The following TICRR variants were observed in gnomAD, a reference collection of about 807,000 sequenced individuals.
The protein encoded by TICRR is TOPBP1 interacting checkpoint and replication regulator.
In TICRR, 132 loss-of-function variants were observed where a neutral mutation model predicts 178.1. The ratio of observed to expected loss-of-function variants is 0.74; its 90% CI spans 0.64 to 0.86. TICRR has a LOEUF of 0.86. TICRR is among the 40% of genes least tolerant of loss of function. The probability of loss-of-function intolerance (pLI) is 0.00; values close to 1 mark genes in which losing one functional copy is unlikely to be tolerated. For synonymous variants in TICRR, 991 were observed against 900.7 expected (o/e 1.10, Z -1.79); for missense variants, 2,587 against 2,334.3 (o/e 1.11, Z -2.23).
intron 1 of TICRR, among the ~76,000 whole-genome samples, chr15:89,581,837 AG>A (rs1386672848): frequency 6.6e-6 from 1 of 152,180 alleles, no homozygotes; most frequent in Non-Finnish European, 1.5e-5. Context: ...GAACGATTAG[AG>A]GCAGAGCACA....
intron 2 of TICRR, among the ~76,000 whole-genome samples, chr15:89,583,233 A>G (rs566848132): frequency 1.3e-5 from 2 of 152,358 alleles, no homozygotes; most frequent in South Asian, 4.1e-4. Flanking sequence ...AAGAAGGGTA[A>G]TATTATTCAG....
At chr15:89,582,991 T>G (rs1446322964) in intron 2 of TICRR, 26 bp downstream of exon 2, 1 of 1,560,782 alleles carries the variant, frequency 6.4e-7, no homozygotes, top group Non-Finnish European at 8.6e-7. Flanking sequence ...TTTAAGGTTT[T>G]TTTTTTTTTA....
rs1207195350 is a variant in TICRR, at chr15:89,627,216, G to T, written c.*130G>T. ...TCAGATTGCCATTAGAATGCCTTAG[G>T]GTTTTCTAATTCCCCTTATGGATCC... On this transcript the variant is annotated 3_prime_UTR_variant, in exon 22 of 22. Coordinates refer to ENST00000268138, the MANE Select transcript of TICRR (RefSeq NM_152259.4). 2 of 1,152,520 alleles carry T rather than the reference G, an allele frequency of 1.7e-6. No individual in the cohort carries two copies. Among genetic ancestry groups the T allele is most frequent in the Non-Finnish European group, 2.4e-6 (2 of 817,018 alleles). 71.4% of individuals were successfully genotyped at this position (1,152,520 alleles called of 1,614,324 possible).
chr15:89,623,843 G>C lies in TICRR; in HGVS notation c.3533G>C (p.Arg1178Pro), dbSNP rs777600069. 1.2e-6 allele frequency: 2 copies of C among 1,613,778 alleles called. No individual in the cohort carries two copies. Among genetic ancestry groups the C allele is most frequent in the Admixed American group, 1.7e-5 (1 of 59,992 alleles). The change falls in exon 20 of 22, where the codon CGA becomes CCA. Residue 1178 changes from arginine (R) to proline (P), a missense_variant. By Grantham distance (103) the Arg-to-Pro change is moderately radical (BLOSUM62 -2). Transcript: ENST00000268138. The part of the protein sequence containing the change: ...PLDSKITPQK[R>P]HTQAGEGTSL... ...GATTCAAAAATCACTCCTCAAAAAC[G>C]ACATACCCAGGCAGGAGAAGGTACC...
Position 89,624,166 on chromosome 15 carries a change from G to T in TICRR, c.3856G>T (p.Asp1286Tyr). ...RAEEPAQKLK[D>Y]KAIKTPKRPG... ...AGAGGAACCAGCCCAGAAACTAAAGGATAAAGCTATCAAAACTCCAAAAAG... is the reference window on the plus strand; with the variant it reads ...AGAGGAACCAGCCCAGAAACTAAAGTATAAAGCTATCAAAACTCCAAAAAG... Residue 1286 changes from aspartate (D) to tyrosine (Y), a missense_variant, in exon 20 of 22, where the codon GAT becomes TAT. Transcript: ENST00000268138. 1 of 1,613,950 alleles carries T rather than the reference G, an allele frequency of 6.2e-7. No homozygotes were observed. Among genetic ancestry groups the T allele is most frequent in the South Asian group, 1.1e-5 (1 of 91,074 alleles).
chr15:89,625,676 G>A lies in TICRR; in HGVS notation c.5366G>A (p.Arg1789Lys). Residue 1789 changes from arginine (R) to lysine (K), a missense_variant, in exon 20 of 22, where the codon AGG becomes AAG. Transcript: ENST00000268138. ...GAAGAAGCTGACCGTGGAGCCAAAA[G>A]GATCTGTGACCTGAGAGAAGATTCA... ...AKEEADRGAK[R>K]ICDLREDSEV... 6.2e-7 allele frequency: 1 copy of A among 1,613,788 alleles called. No individual in the cohort carries two copies.
chr15:89,621,089 G>A (rs1963417497), intron 18 of TICRR, among the ~76,000 whole-genome samples: 2 of 151,138 alleles, frequency 1.3e-5, no homozygotes, highest in South Asian at 2.1e-4. Flanking sequence ...GTGCAATGTC[G>A]TCTCACTGCA....
chr15:89,612,913 G>A (rs1360147813), intron 15 of TICRR, among the ~76,000 whole-genome samples: 1 of 152,146 alleles, frequency 6.6e-6, no homozygotes, highest in Non-Finnish European at 1.5e-5. Flanking sequence ...TACATTGTAT[G>A]CCCATCAACA....
At chr15:89,585,975 A>G (rs1962815997) in intron 4 of TICRR, 33 bp downstream of exon 4, 1 of 1,582,662 alleles carries the variant, frequency 6.3e-7, no homozygotes, top group Non-Finnish European at 8.7e-7. Flanking sequence ...AACAGAGTCT[A>G]GGGTGGTTTG....
chr15:89,592,771 T>G (rs565120464), intron 5 of TICRR, among the ~76,000 whole-genome samples: 63 of 152,350 alleles, frequency 4.1e-4, no homozygotes, highest in Admixed American at 2.5e-3. Context: ...GTAAACGATA[T>G]GGCAGAAATT....
chr15:89,619,348 C>T (rs1019645341), intron 17 of TICRR, among the ~76,000 whole-genome samples: 1 of 151,552 alleles, frequency 6.6e-6, no homozygotes, highest in African/African-American at 2.4e-5. Context: ...GCCACAGCCT[C>T]CCAAGTAGCT....
chr15:89,576,064 T>C lies in TICRR; in HGVS notation c.478T>C (p.Cys160Arg). The change falls in exon 1 of 22, where the codon TGT becomes CGT. Residue 160 changes from cysteine (C) to arginine (R), a missense_variant. By Grantham distance (180) the Cys-to-Arg change is radical. Transcript: ENST00000268138. ...LVNAVFLLAP[C>R]PHSQRELLQF... ...GAACGCCGTCTTCCTCCTGGCCCCC[T>C]GTCCGCACTCGCAGAGGGAGCTGCT... is the stretch of plus-strand genomic sequence containing the variant. 6.2e-7 allele frequency: 1 copy of C among 1,611,900 alleles called. No individual in the cohort carries two copies.
rs948885570 is a variant in TICRR, at chr15:89,582,864, T to A, written c.833T>A (p.Met278Lys). The change falls in exon 2 of 22, where the codon ATG becomes AAG. Residue 278 changes from methionine (M) to lysine (K), a missense_variant. By Grantham distance (95) the Met-to-Lys change is moderately conservative. Transcript: ENST00000268138. Reference sequence around the variant, plus strand: ...CCTCATCTTTCTCCGTGGATTTCAATGCTGCCAACTGATGCCACTTTAAAC... The same window carrying A: ...CCTCATCTTTCTCCGTGGATTTCAAAGCTGCCAACTGATGCCACTTTAAAC... Reference protein sequence around the residue: ...SEPHLSPWISMLPTDATLNRL... With the variant: ...SEPHLSPWISKLPTDATLNRL... 1 of 1,614,088 alleles carries A rather than the reference T, an allele frequency of 6.2e-7. No individual in the cohort carries two copies. The highest frequency in any genetic ancestry group is 1.3e-5 in the African/African-American group (1 of 74,924).
Position 89,594,446 on chromosome 15 carries a change from G to T in TICRR, c.1573G>T (p.Glu525Ter). The change falls in exon 6 of 22, where the codon GAG becomes TAG. Residue 525 changes from glutamate to a stop codon, truncating the protein, a stop_gained. Transcript: ENST00000268138. LOFTEE classifies it high-confidence loss of function. ...ACAGGCTGCCTCAGCTAATAAGGAA[G>T]AGTCTTCCAAAACTGAAGGCGAATT... is the stretch of plus-strand genomic sequence containing the variant. ...LLQAASANKEESSKTEGELIH... is the reference protein window; with the variant it reads ...LLQAASANKE The T allele has an allele frequency of 6.8e-6, 11 of 1,612,870 alleles. No homozygotes were observed. Among genetic ancestry groups the T allele is most frequent in the Non-Finnish European group, 9.3e-6 (11 of 1,179,416 alleles).
chr15:89,624,157 A>C lies in TICRR; in HGVS notation c.3847A>C (p.Lys1283Gln). 6.2e-7 allele frequency: 1 copy of C among 1,614,096 alleles called. No homozygotes were observed. Among genetic ancestry groups the C allele is most frequent in the Non-Finnish European group, 8.5e-7 (1 of 1,180,030 alleles). ...RAARAEEPAQ[K>Q]LKDKAIKTPK... ...TGCTCGGGCAGAGGAACCAGCCCAG[A>C]AACTAAAGGATAAAGCTATCAAAAC... The change falls in exon 20 of 22, where the codon AAA becomes CAA. Residue 1283 changes from lysine to glutamine, a missense_variant. By Grantham distance (53) the Lys-to-Gln change is moderately conservative. Transcript: ENST00000268138.
intron 15 of TICRR, among the ~76,000 whole-genome samples, chr15:89,610,565 T>C (rs1452908409): frequency 2.6e-5 from 4 of 152,210 alleles, no homozygotes. Flanking sequence ...CATTGTCCTT[T>C]TACTTTCAAC....
At chr15:89,584,560 T>C in intron 3 of TICRR, 33 bp downstream of exon 3, 4 of 1,511,252 alleles carry the variant, frequency 2.6e-6, no homozygotes, top group Non-Finnish European at 3.5e-6. Context: ...GTTATTCTTG[T>C]CTAACAACAC....
intron 16 of TICRR, 132 bp from the exon 17 acceptor site, chr15:89,618,020 G>T: frequency 2.2e-6 from 2 of 896,562 alleles, no homozygotes; most frequent in Non-Finnish European, 1.8e-6. Flanking sequence ...ACGTATGAGA[G>T]CCCTTTACCA....
chr15:89,603,371 G>A (rs577227681), intron 13 of TICRR, among the ~76,000 whole-genome samples: 1 of 152,260 alleles, frequency 6.6e-6, no homozygotes, highest in African/African-American at 2.4e-5. Flanking sequence ...GACACCAACA[G>A]TCTGAGACCA....
Sources: allele counts gnomAD v4.1 joint callset (sites outside exome capture counted in the v4.1 genomes callset), GRCh38; gene constraint gnomAD v4.1.1; transcripts MANE v1.5; gene names NCBI Gene and HGNC (gene_info 2026-07-23, HGNC 2026-07-21).